Variants in ZCCHC7 observed in about 807,000 individuals in gnomAD.
ZCCHC7 encodes the protein zinc finger CCHC-type containing 7.
Under a neutral mutation model 52.0 loss-of-function variants are expected in ZCCHC7, and 35 were observed. That is an observed-to-expected ratio of 0.67 (90% CI 0.51 to 0.89). The LOEUF (loss-of-function observed/expected upper bound fraction) is 0.89. Among genes scored for constraint, ZCCHC7 ranks in the 40% least tolerant of loss-of-function variants. The pLI is 0.00. For missense variants in ZCCHC7, 574 were observed against 649.1 expected, an observed-to-expected ratio of 0.88 and a Z score of 1.26; for synonymous variants, 217 against 221.5, an observed-to-expected ratio of 0.98 and a Z score of 0.18.
intron 2 of ZCCHC7, among the ~76,000 whole-genome samples, chr9:37,248,310 A>G (rs764435305): frequency 5.9e-5 from 9 of 152,202 alleles, no homozygotes; most frequent in Non-Finnish European, 1.2e-4. Context: ...TTTTCCTATT[A>G]TACCACCCTG....
rs1372130081 is a variant in ZCCHC7 at position 37,354,721 on chromosome 9, AAG to A, written c.1099_1100del (p.Glu367SerfsTer3). 6.2e-7 allele frequency: 1 copy of A among 1,609,332 alleles called. No homozygotes were observed. Among genetic ancestry groups the A allele is most frequent in the East Asian group, 2.2e-5 (1 of 44,856 alleles). On this transcript the variant is annotated frameshift_variant, in exon 8 of 9. Transcript: ENST00000336755. LOFTEE classifies it high-confidence loss of function. This position sits in a 1 kb window ranked among gnomAD's most constrained non-coding sequence, Gnocchi z 4.0. The part of the protein sequence containing the change: ...KGHYGHECPE[R>X]EVYDPSPVSP... The stretch of plus-strand genomic sequence containing the variant: ...CATACAATTTATAGGAATGTCCAGA[AAG>A]AGAAGTGTATGACCCGTCTCCAGTA...
At chr9:37,198,261 T>C (rs1433067160) in intron 2 of ZCCHC7, among the ~76,000 whole-genome samples, 3 of 152,214 alleles carry the variant, frequency 2.0e-5, no homozygotes, top group African/African-American at 7.2e-5. Context: ...AAATATCACT[T>C]GTTCTATGGA....
Position 37,126,472 on chromosome 9 carries a change from A to T in ZCCHC7, c.140A>T (p.Asp47Val). The change falls in exon 2 of 9, where the codon GAT becomes GTT. Residue 47 changes from aspartate (D) to valine (V), a missense_variant. By Grantham distance (152) the Asp-to-Val change is radical. Coordinates refer to ENST00000336755, the MANE Select transcript of ZCCHC7 (RefSeq NM_032226.3). ...SQIHYAQDLD[D>V]VIREEEHEEK... is the part of the protein sequence containing the mutation. ...ATTCATTATGCCCAAGATCTTGATG[A>T]TGTCATCAGGGAGGAAGAGCATGAA... 1 of 1,613,766 alleles carries T rather than the reference A, an allele frequency of 6.2e-7. No individual in the cohort carries two copies. Among genetic ancestry groups the T allele is most frequent in the South Asian group, 1.1e-5 (1 of 91,072 alleles).
chr9:37,258,758 A>T (rs986610407), intron 2 of ZCCHC7, among the ~76,000 whole-genome samples: 3 of 21,548 alleles, frequency 1.4e-4, no homozygotes, highest in East Asian at 3.5e-3. Flanking sequence ...CCTGTCTCTT[A>T]AAAAAAAAAA....
At chr9:37,262,585 G>C (rs1054400435) in intron 2 of ZCCHC7, among the ~76,000 whole-genome samples, 1 of 152,160 alleles carries the variant, frequency 6.6e-6, no homozygotes, top group African/African-American at 2.4e-5. Flanking sequence ...ACTCACAGCT[G>C]CAGTGGTGAG....
intron 2 of ZCCHC7, among the ~76,000 whole-genome samples, chr9:37,239,700 A>T (rs1825800561): frequency 6.6e-6 from 1 of 152,096 alleles, no homozygotes; most frequent in Non-Finnish European, 1.5e-5. Flanking sequence ...GGATAGTTAG[A>T]AATAATTGGC....
chr9:37,313,856 A>G (rs1236631197), intron 5 of ZCCHC7, among the ~76,000 whole-genome samples: 1 of 152,034 alleles, frequency 6.6e-6, no homozygotes, highest in East Asian at 1.9e-4. Context: ...AGTCAGTTAA[A>G]CCTCTTTTCT....
chr9:37,354,428 A>G lies in ZCCHC7; in HGVS notation c.1084-282A>G, dbSNP rs1821573657. Among the ~76,000 whole-genome samples, 1 of 152,176 alleles carries G rather than the reference A, an allele frequency of 6.6e-6. No individual in the cohort carries two copies. The highest frequency in any genetic ancestry group is 1.5e-5 in the Non-Finnish European group (1 of 68,030). ...CAGAGCGGCAAGGCTGCTACCTCAG[A>G]CTGTGAAAGGAGTTAGGCAGAAAAG... On this transcript the variant is annotated intron_variant, in intron 7 of 8. Transcript: ENST00000336755. This position sits in a 1 kb window ranked among gnomAD's most constrained non-coding sequence, Gnocchi z 4.0.
chr9:37,185,721 C>A (rs1822616423), intron 2 of ZCCHC7, among the ~76,000 whole-genome samples: 1 of 152,004 alleles, frequency 6.6e-6, no homozygotes, highest in Admixed American at 6.5e-5. Context: ...TCTTCTTTTT[C>A]TTCTATGGAC....
chr9:37,202,748 C>A (rs937158809), intron 2 of ZCCHC7, among the ~76,000 whole-genome samples: 4 of 152,244 alleles, frequency 2.6e-5, no homozygotes, highest in Non-Finnish European at 5.9e-5. Flanking sequence ...TTCCACAGTG[C>A]TGGGATTATA....
intron 2 of ZCCHC7, among the ~76,000 whole-genome samples, chr9:37,212,884 GT>G (rs146688107): frequency 2.0e-5 from 3 of 151,480 alleles, no homozygotes; most frequent in African/African-American, 7.3e-5. Flanking sequence ...TGGGGTCATT[GT>G]TTTTTTTACA....
intron 5 of ZCCHC7, among the ~76,000 whole-genome samples, chr9:37,324,105 A>G (rs1389602719): frequency 6.6e-6 from 1 of 152,238 alleles, no homozygotes; most frequent in Non-Finnish European, 1.5e-5. Flanking sequence ...GTTATTCACT[A>G]TCAATGAATA....
intron 2 of ZCCHC7, among the ~76,000 whole-genome samples, chr9:37,197,170 T>C (rs1333045818): frequency 6.6e-6 from 1 of 152,068 alleles, no homozygotes; most frequent in Non-Finnish European, 1.5e-5. Context: ...CACTTTAAAA[T>C]TAGACTTCCC....
intron 7 of ZCCHC7, among the ~76,000 whole-genome samples, chr9:37,350,172 A>C (rs1270023834): frequency 7.2e-6 from 1 of 139,836 alleles, no homozygotes; most frequent in African/African-American, 2.7e-5. Flanking sequence ...CTTGTTGCCC[A>C]AGCTGGAGTG....
chr9:37,228,168 CTA>C (rs1313360160), intron 2 of ZCCHC7, among the ~76,000 whole-genome samples: 2 of 152,096 alleles, frequency 1.3e-5, no homozygotes, highest in African/African-American at 4.8e-5. Flanking sequence ...TTTCCTATGA[CTA>C]TTCTATAAAC....
At chr9:37,166,060 G>T (rs1483824963) in intron 2 of ZCCHC7, among the ~76,000 whole-genome samples, 1 of 152,174 alleles carries the variant, frequency 6.6e-6, no homozygotes, top group African/African-American at 2.4e-5. Context: ...CTAAGTTGCT[G>T]ATTTTATTGG....
intron 2 of ZCCHC7, among the ~76,000 whole-genome samples, chr9:37,232,139 G>A (rs886235854): frequency 5.3e-5 from 8 of 152,180 alleles, no homozygotes; most frequent in Non-Finnish European, 2.9e-5. Context: ...TTGATCAGAC[G>A]TGTACTAAGC....
At chr9:37,178,393 GC>G (rs1822164756) in intron 2 of ZCCHC7, among the ~76,000 whole-genome samples, 1 of 63,582 alleles carries the variant, frequency 1.6e-5, no homozygotes, top group Non-Finnish European at 3.0e-5. Context: ...CCCACTGGCC[GC>G]CCCCTACCCC....
chr9:37,305,895 C>G (rs536951093), intron 5 of ZCCHC7, among the ~76,000 whole-genome samples, 181 bp downstream of exon 5: 3 of 151,702 alleles, frequency 2.0e-5, no homozygotes, highest in African/African-American at 7.3e-5. Flanking sequence ...AAGCAGTGCT[C>G]TAAATAATAT....
Sources: gnomAD v4.1 joint callset for allele counts (sites outside exome capture counted in the v4.1 genomes callset) on GRCh38, gnomAD v4.1.1 for gene constraint, Gnocchi (gnomAD v3.1) non-coding constraint, MANE v1.5 for transcripts, NCBI Gene and HGNC (gene_info 2026-07-23, HGNC 2026-07-21) for gene names.